Variants in PPFIA1 observed in about 807,000 individuals in gnomAD.
The protein encoded by PPFIA1 is PPFI scaffold protein A1, also known as liprin-alpha-1.
A neutral mutation model predicts 149.9 loss-of-function variants in PPFIA1; 25 were observed. That is an observed-to-expected ratio of 0.17 (90% CI 0.12 to 0.23). The LOEUF (loss-of-function observed/expected upper bound fraction) is 0.23, where lower values mean the gene tolerates loss of function less well. PPFIA1 is among the 10% of genes least tolerant of loss of function. PPFIA1 has a pLI of 1.00. For synonymous variants in PPFIA1, 549 were observed against 552.8 expected, an observed-to-expected ratio of 0.99 and a Z score of 0.10; for missense variants, 1,362 against 1,506.5, an observed-to-expected ratio of 0.90 and a Z score of 1.59.
chr11:70,314,812 C>T (rs1209404743), intron 2 of PPFIA1, among the ~76,000 whole-genome samples: 2 of 152,108 alleles, frequency 1.3e-5, no homozygotes. Context: ...TCCGTTCTCA[C>T]ACCGCTATGA....
At chr11:70,322,713 G>A (rs1467831493) in intron 2 of PPFIA1, among the ~76,000 whole-genome samples, 1 of 152,144 alleles carries the variant, frequency 6.6e-6, no homozygotes, top group Non-Finnish European at 1.5e-5. Flanking sequence ...TGTATAATAT[G>A]TTTATAATGT....
At chr11:70,331,430 G>T (rs1346568583) in intron 8 of PPFIA1, among the ~76,000 whole-genome samples, 1 of 151,998 alleles carries the variant, frequency 6.6e-6, no homozygotes, top group Non-Finnish European at 1.5e-5. Context: ...GACAAGAGGT[G>T]TTTTGCACAT....
At chr11:70,312,390 C>A (rs1437118110) in intron 2 of PPFIA1, among the ~76,000 whole-genome samples, 1 of 152,044 alleles carries the variant, frequency 6.6e-6, no homozygotes, top group Non-Finnish European at 1.5e-5. Flanking sequence ...CAGGTTTCAC[C>A]ATGTTGCTTG....
At chr11:70,374,620 G>C in intron 23 of PPFIA1, 1 of 316,650 alleles carries the variant, frequency 3.2e-6, no homozygotes, top group Admixed American at 5.2e-5. Context: ...CAGTCCTCTG[G>C]CTTCTGATCC....
chr11:70,298,521 C>T (rs2052249430), intron 2 of PPFIA1, among the ~76,000 whole-genome samples: 1 of 152,178 alleles, frequency 6.6e-6, no homozygotes, highest in Non-Finnish European at 1.5e-5. Flanking sequence ...ACTATTTTTA[C>T]TATAAATGGT....
At chr11:70,376,420 C>A (rs766171447) in intron 24 of PPFIA1, 112 bp from the exon 25 acceptor site, 6 of 1,067,262 alleles carry the variant, frequency 5.6e-6, no homozygotes, top group African/African-American at 3.2e-5. Context: ...AGCCACCAGA[C>A]CCAGCCAGCA....
intron 2 of PPFIA1, among the ~76,000 whole-genome samples, chr11:70,320,916 G>A (rs1057361741): frequency 1.3e-5 from 2 of 152,146 alleles, no homozygotes; most frequent in Non-Finnish European, 2.9e-5. Context: ...ACATAACCAC[G>A]CAACAGAATC....
At chr11:70,378,481 A>G in intron 26 of PPFIA1, 2 of 1,119,952 alleles carry the variant, frequency 1.8e-6, no homozygotes, top group Non-Finnish European at 2.2e-6. Flanking sequence ...AGACTGAGGC[A>G]TACTTGTAAA....
At position 70,381,156 on chromosome 11, in the gene PPFIA1, G is replaced by T. The variant is rs532543040; in HGVS notation, c.3551-932G>T. The T allele has an allele frequency of 3.3e-5, 5 of 152,172 alleles. No homozygotes were observed. In the South Asian group the frequency reaches 1.0e-3, roughly 32 times the overall value. 9.4% of individuals were successfully genotyped at this position (152,172 alleles called of 1,614,324 possible). A position where few individuals can be genotyped will look rare whatever the true frequency, so the allele number is the denominator to read the frequency against. On this transcript the variant is annotated intron_variant, in intron 26 of 27. Transcript: ENST00000253925. Reference sequence around the variant, plus strand: ...GGGAATGTGGGGTAAACTCCAGCAGGTCTCCCAGGTTCTTAAGAGTCAGAG... The same window carrying T: ...GGGAATGTGGGGTAAACTCCAGCAGTTCTCCCAGGTTCTTAAGAGTCAGAG...
intron 14 of PPFIA1, 128 bp from the exon 15 acceptor site, chr11:70,343,541 T>G: frequency 1.3e-6 from 1 of 793,932 alleles, no homozygotes; most frequent in African/African-American, 1.7e-5. Context: ...CAGTACCTTA[T>G]AAGCATGGCC....
intron 9 of PPFIA1, 89 bp from the exon 10 acceptor site, chr11:70,333,381 A>G (rs1409912447): frequency 1.0e-5 from 10 of 965,828 alleles, no homozygotes; most frequent in Admixed American, 7.9e-5. Context: ...CACGCAGAGC[A>G]TGTTGTGCCT....
At chr11:70,298,907 C>A (rs1417886090) in intron 2 of PPFIA1, among the ~76,000 whole-genome samples, 1 of 152,152 alleles carries the variant, frequency 6.6e-6, no homozygotes, top group East Asian at 1.9e-4. Context: ...GTTATTCTGT[C>A]ATCATTGAAC....
At chr11:70,325,088 T>C in intron 4 of PPFIA1, 77 bp downstream of exon 4, 2 of 1,420,392 alleles carry the variant, frequency 1.4e-6, no homozygotes, top group Non-Finnish European at 9.3e-7. Context: ...GGTGTAACTT[T>C]TGTTTTTTGA....
rs750088810 is a variant in PPFIA1, at chr11:70,339,275, G to A, written c.1676G>A (p.Arg559Gln). Reference sequence around the variant, plus strand: ...GTGCTGCGGCGCCCACAGAAAGGCCGGCTGGCAGCCCTGCGAGATGAGCCT... The same window carrying A: ...GTGCTGCGGCGCCCACAGAAAGGCCAGCTGGCAGCCCTGCGAGATGAGCCT... ...SAVLRRPQKG[R>Q]LAALRDEPSK... The change falls in exon 14 of 28, where the codon CGG (arginine) becomes CAG (glutamine). Residue 559 changes from arginine (R) to glutamine (Q), a missense_variant. By Grantham distance (43) the Arg-to-Gln change is conservative (BLOSUM62 1). Transcript: ENST00000253925. The A allele has an allele frequency of 1.4e-5, 22 of 1,614,038 alleles. No individual in the cohort carries two copies. The highest frequency in any genetic ancestry group is 2.2e-5 in the South Asian group (2 of 91,078).
chr11:70,279,917 G>GTGTGTGTGTGTGTGTGTGTGTGTGTA (rs1219576112), intron 2 of PPFIA1, among the ~76,000 whole-genome samples: 3 of 151,506 alleles, frequency 2.0e-5, no homozygotes, highest in African/African-American at 4.9e-5. Flanking sequence ...GTGTGTGTGT[G>GTGTGTGTGTGTGTGTGTGTGTGTGTA]TATATTTTTG....
chr11:70,312,984 T>G (rs1033995112), intron 2 of PPFIA1, among the ~76,000 whole-genome samples: 11 of 152,140 alleles, frequency 7.2e-5, no homozygotes, highest in Non-Finnish European at 1.3e-4. Context: ...CCTCAAGCTG[T>G]GAACATCAGG....
At chr11:70,379,042 G>A (rs1299983630) in intron 26 of PPFIA1, among the ~76,000 whole-genome samples, 2 of 152,114 alleles carry the variant, frequency 1.3e-5, no homozygotes, top group Non-Finnish European at 2.9e-5. Flanking sequence ...TAAAATGGTC[G>A]TCATGGTAGT....
intron 16 of PPFIA1, chr11:70,354,074 T>G: frequency 2.1e-6 from 1 of 487,412 alleles, no homozygotes; most frequent in Non-Finnish European, 3.7e-6. Context: ...CATACCTGTG[T>G]CCTGTTGGGC....
chr11:70,280,445 T>A (rs1252091392), intron 2 of PPFIA1, among the ~76,000 whole-genome samples: 1 of 152,036 alleles, frequency 6.6e-6, no homozygotes, highest in African/African-American at 2.4e-5. Flanking sequence ...GGCACATGCC[T>A]GTAATCCCAG....
Sources: allele counts gnomAD v4.1 joint callset (sites outside exome capture counted in the v4.1 genomes callset), GRCh38; gene constraint gnomAD v4.1.1; transcripts MANE v1.5; gene names NCBI Gene and HGNC (gene_info 2026-07-23, HGNC 2026-07-21).